CABIN1: variants seen among roughly 807,000 people sequenced by gnomAD.
CABIN1 encodes calcineurin binding protein 1, also known as calcineurin-binding protein cabin-1.
A neutral mutation model predicts 227.7 loss-of-function variants in CABIN1; 133 were observed. That is an observed-to-expected ratio of 0.58 (90% CI 0.51 to 0.67). The LOEUF (loss-of-function observed/expected upper bound fraction) is 0.67, where lower values mean the gene tolerates loss of function less well. CABIN1 is among the 30% of genes least tolerant of loss of function. The probability of loss-of-function intolerance (pLI) is 0.00; values close to 1 mark genes in which losing one functional copy is unlikely to be tolerated. For synonymous variants in CABIN1, 1,086 were observed against 1,155.1 expected (o/e 0.94, Z 1.21); for missense variants, 2,408 against 2,852.5 (o/e 0.84, Z 3.55).
chr22:24,152,929 G>A (rs759461293), intron 29 of CABIN1, among the ~76,000 whole-genome samples: 2 of 109,144 alleles, frequency 1.8e-5, no homozygotes, highest in South Asian at 3.9e-4. Context: ...CAGCTTGGGC[G>A]ACAGAGCAGA....
intron 34 of CABIN1, among the ~76,000 whole-genome samples, chr22:24,173,952 G>C (rs1186959244): frequency 6.6e-6 from 1 of 151,792 alleles, no homozygotes; most frequent in South Asian, 2.1e-4. Flanking sequence ...GCAGGATTTG[G>C]AATGCTGCTT....
chr22:24,072,298 C>A, intron 17 of CABIN1, 56 bp from the exon 18 acceptor site: 1 of 1,598,348 alleles, frequency 6.3e-7, no homozygotes, highest in East Asian at 2.2e-5. Flanking sequence ...CTTCAGTCTG[C>A]CCTGAAGGCT....
rs747686790 is a variant in CABIN1 at position 24,050,883 on chromosome 22, G to A, written c.715G>A (p.Glu239Lys). ...SAAETQAIVDEALGLRKKRQA... is the reference protein window; with the variant it reads ...SAAETQAIVDKALGLRKKRQA... Reference sequence around the variant, plus strand: ...AGCTGAGACACAGGCGATTGTAGATGAGGCCTTGGGGCTGCGAAAAAAGAG... The same window carrying A: ...AGCTGAGACACAGGCGATTGTAGATAAGGCCTTGGGGCTGCGAAAAAAGAG... The change falls in exon 8 of 37, where the codon GAG becomes AAG. Residue 239 changes from glutamate to lysine, a missense_variant. This residue lies in a region of CABIN1 where 1,045 missense variants were observed against 1,168.4 expected (regional missense o/e 0.89). Coordinates refer to ENST00000263119, the MANE Select transcript of CABIN1 (RefSeq NM_012295.4). 21 of 1,614,122 alleles carry A rather than the reference G, an allele frequency of 1.3e-5. No homozygotes were observed. In the South Asian group the frequency reaches 2.3e-4, roughly 18 times the overall value.
At chr22:24,117,610 G>C (rs1195079293) in intron 27 of CABIN1, among the ~76,000 whole-genome samples, 1 of 152,222 alleles carries the variant, frequency 6.6e-6, no homozygotes, top group East Asian at 1.9e-4. Context: ...CTCTGAGAGA[G>C]GGGCGGCTGA....
At chr22:24,023,992 C>G (rs144044698) in intron 1 of CABIN1, among the ~76,000 whole-genome samples, 2,607 of 152,236 alleles carry the variant, frequency 0.017, 87 homozygotes, top group East Asian at 0.14. Context: ...CTCAGCCTCC[C>G]AAAGTGCTAG....
rs147551856 is a variant in CABIN1, at chr22:24,093,028, C to A, written c.3786+1185C>A. ...GGTTTGGTTTCCTCTCCACTTCTTG[C>A]TATGACAAGGCACAGGCAGTGCATG... On this transcript the variant is annotated intron_variant, in intron 24 of 36. Coordinates refer to ENST00000263119, the MANE Select transcript of CABIN1 (RefSeq NM_012295.4). Among the ~76,000 whole-genome samples the A allele has an allele frequency of 7.0e-3, 1,072 of 152,226 alleles. 13 individuals are homozygous for A. The highest frequency in any genetic ancestry group is 0.025 in the African/African-American group (1,032 of 41,524).
At chr22:24,097,912 G>C in intron 25 of CABIN1, 102 bp from the exon 26 acceptor site, 1 of 1,461,738 alleles carries the variant, frequency 6.8e-7, no homozygotes, top group South Asian at 1.1e-5. Flanking sequence ...GAGGTGCATG[G>C]GAGCAGTGGG....
chr22:24,081,461 G>T (rs927594836), intron 19 of CABIN1, among the ~76,000 whole-genome samples: 1 of 152,096 alleles, frequency 6.6e-6, no homozygotes, highest in African/African-American at 2.4e-5. Flanking sequence ...GTGGTACCTC[G>T]AGTTATGCCC....
At chr22:24,159,997 G>A (rs34247969) in intron 29 of CABIN1, among the ~76,000 whole-genome samples, 8,772 of 152,186 alleles carry the variant, frequency 0.058, 301 homozygotes, top group South Asian at 0.11. Flanking sequence ...CAGGGAGGCT[G>A]CCAATTTCTT....
rs1434231299 is a variant in CABIN1, at chr22:24,055,214, C to G, written c.1093+55C>G. The G allele has an allele frequency of 2.5e-6, 4 of 1,587,576 alleles. No individual in the cohort carries two copies. In the African/African-American group the frequency reaches 4.0e-5, roughly 16 times the overall value. ...GGGAGACCCCGTTCACTGAGCCCAG[C>G]AGGAATGAGACTGCTGGGGAGCCCT... On this transcript the variant is annotated intron_variant, in intron 9 of 36. Transcript: ENST00000263119.
chr22:24,033,309 G>A (rs2146895533), intron 1 of CABIN1, among the ~76,000 whole-genome samples: 1 of 152,224 alleles, frequency 6.6e-6, no homozygotes, highest in African/African-American at 2.4e-5. Flanking sequence ...TGGTGACAGT[G>A]GCAGTCATTT....
intron 1 of CABIN1, among the ~76,000 whole-genome samples, chr22:24,019,134 T>G (rs2035519825): frequency 7.5e-6 from 1 of 132,552 alleles, no homozygotes; most frequent in Non-Finnish European, 1.6e-5. Flanking sequence ...TTTTTTTTTT[T>G]TTTTTTTTTT....
Position 24,176,194 on chromosome 22 carries a change from C to T in CABIN1, c.6124C>T (p.Pro2042Ser). Residue 2042 changes from proline to serine, a missense_variant, in exon 35 of 37, where the codon CCC becomes TCC. Pro to Ser is a moderately conservative substitution (Grantham distance 74). Coordinates refer to ENST00000263119, the MANE Select transcript of CABIN1 (RefSeq NM_012295.4). ...GCACAGTCCGCAGGTGAAGATGGCC[C>T]CCACAAGTTCCCCGGCAGAGCCACA... ...PRHSPQVKMA[P>S]TSSPAEPHCW... 1 of 1,611,062 alleles carries T rather than the reference C, an allele frequency of 6.2e-7. No homozygotes were observed. Among genetic ancestry groups the T allele is most frequent in the Non-Finnish European group, 8.5e-7 (1 of 1,179,248 alleles).
At chr22:24,137,510 C>G (rs1040491605) in intron 29 of CABIN1, among the ~76,000 whole-genome samples, 5 of 152,364 alleles carry the variant, frequency 3.3e-5, no homozygotes, top group East Asian at 3.9e-4. Flanking sequence ...CCTGGAAGCC[C>G]CTGAAGATCA....
chr22:24,140,286 A>T (rs919134095), intron 29 of CABIN1, among the ~76,000 whole-genome samples: 1 of 152,230 alleles, frequency 6.6e-6, no homozygotes, highest in Non-Finnish European at 1.5e-5. Flanking sequence ...ACAGCAGCAC[A>T]GATGGACGTG....
chr22:24,062,052 C>T, intron 13 of CABIN1, 27 bp downstream of exon 13: 1 of 1,578,924 alleles, frequency 6.3e-7, no homozygotes, highest in African/African-American at 1.3e-5. Flanking sequence ...GTTCTGTGGC[C>T]AGGCTAATAT....
At chr22:24,091,874 C>T (rs1044214704) in intron 24 of CABIN1, 31 bp downstream of exon 24, 6 of 1,609,830 alleles carry the variant, frequency 3.7e-6, no homozygotes, top group Non-Finnish European at 5.1e-6. Context: ...GGCGGGGAAG[C>T]AGGGCAGGGG....
At chr22:24,046,475 G>A (rs1031143754) in intron 6 of CABIN1, among the ~76,000 whole-genome samples, 2 of 152,066 alleles carry the variant, frequency 1.3e-5, no homozygotes, top group African/African-American at 4.8e-5. Flanking sequence ...CTTCTTGGGT[G>A]CTCCTCCCAC....
chr22:24,139,734 A>T (rs1329890931), intron 29 of CABIN1, among the ~76,000 whole-genome samples: 1 of 152,164 alleles, frequency 6.6e-6, no homozygotes, highest in South Asian at 2.1e-4. Flanking sequence ...CTGCTCTCAC[A>T]GTCTCCTGGT....
Sources: allele counts gnomAD v4.1 joint callset (sites outside exome capture counted in the v4.1 genomes callset), GRCh38; gene constraint gnomAD v4.1.1; regional missense constraint gnomAD v4.1.1; transcripts MANE v1.5; gene names NCBI Gene and HGNC (gene_info 2026-07-23, HGNC 2026-07-21).